The following ZNF345 variants were observed in gnomAD, a reference collection of about 807,000 sequenced individuals.
The protein encoded by ZNF345 is zinc finger protein 345, also known as zinc finger protein HZF10.
For missense variants in ZNF345, 527 were observed against 589.9 expected, an observed-to-expected ratio of 0.89 and a Z score of 1.10; for synonymous variants, 166 against 187.9, an observed-to-expected ratio of 0.88 and a Z score of 0.95.
rs1291357650 is a variant in ZNF345, at chr19:36,877,877, G to A, written c.1047G>A (p.Lys349=). 6.2e-7 allele frequency: 1 copy of A among 1,613,878 alleles called. No homozygotes were observed. Among genetic ancestry groups the A allele is most frequent in the South Asian group, 1.1e-5 (1 of 91,072 alleles). The change falls in exon 3 of 3, where the codon AAG becomes AAA. Residue 349 remains lysine, a synonymous_variant. Coordinates refer to ENST00000420450, the MANE Select transcript of ZNF345 (RefSeq NM_001242472.2). ...EKPYECKECG[K]TFSSGSDLTQ... ...CTTATGAATGTAAGGAATGTGGGAA[G>A]ACCTTTAGTAGTGGTTCAGACCTTA...
At chr19:36,887,830 G>A (rs1352232455) in intron 3 of ZNF345, among the ~76,000 whole-genome samples, 1 of 152,128 alleles carries the variant, frequency 6.6e-6, no homozygotes, top group African/African-American at 2.4e-5. Context: ...CAGTAACAGT[G>A]ATCCTAAAGT....
At chr19:36,890,420 T>C (rs1414685924) in intron 3 of ZNF345, 1 of 152,226 alleles carries the variant, frequency 6.6e-6, no homozygotes, top group Non-Finnish European at 1.5e-5. Context: ...TCTAGTAGTA[T>C]CTGTGTTATG....
rs747543958 is a variant in ZNF345 at position 36,877,530 on chromosome 19, G to C, written c.700G>C (p.Ala234Pro). The change falls in exon 3 of 3, where the codon GCA (alanine) becomes CCA (proline). Residue 234 changes from alanine (A) to proline (P), a missense_variant. Transcript: ENST00000420450. ...HTGEKPYECKACGMAFSSGSA... is the reference protein window; with the variant it reads ...HTGEKPYECKPCGMAFSSGSA... ...TGGTGAGAAACCTTATGAATGCAAA[G>C]CATGTGGAATGGCCTTTAGCAGTGG... is the stretch of plus-strand genomic sequence containing the variant. The C allele has an allele frequency of 6.2e-5, 100 of 1,614,044 alleles. 1 individual carries two copies. The highest frequency in any genetic ancestry group is 3.2e-4 in the Admixed American group (19 of 60,002).
chr19:36,890,637 T>C (rs569141971), intron 3 of ZNF345: 1 of 148,708 alleles, frequency 6.7e-6, no homozygotes, highest in East Asian at 2.0e-4. Context: ...AGTCAGGAGT[T>C]CAAGACCAGC....
At chr19:36,855,110 C>G (rs2072380453) in intron 2 of ZNF345, among the ~76,000 whole-genome samples, 1 of 151,530 alleles carries the variant, frequency 6.6e-6, no homozygotes, top group African/African-American at 2.4e-5. Flanking sequence ...CTCAGCCTCC[C>G]AAAGTGCTGG....
chr19:36,866,060 A>C (rs1240717019), intron 2 of ZNF345, among the ~76,000 whole-genome samples: 1 of 152,132 alleles, frequency 6.6e-6, no homozygotes, highest in Non-Finnish European at 1.5e-5. Flanking sequence ...TCAGTTTGCT[A>C]GAGTTTTATT....
chr19:36,883,364 T>C (rs477725), downstream of ZNF345, among the ~76,000 whole-genome samples: 36,359 of 152,118 alleles, frequency 0.24, 6,096 homozygotes, highest in African/African-American at 0.47. Flanking sequence ...AAGATTGAAG[T>C]TTTCTAAGAC....
At chr19:36,866,791 T>C (rs907996173) in intron 2 of ZNF345, among the ~76,000 whole-genome samples, 2 of 152,194 alleles carry the variant, frequency 1.3e-5, no homozygotes, top group African/African-American at 4.8e-5. Flanking sequence ...CCTCAAGCGA[T>C]CCACTTGCCT....
At chr19:36,873,354 T>C (rs2072808278) in intron 2 of ZNF345, among the ~76,000 whole-genome samples, 1 of 152,156 alleles carries the variant, frequency 6.6e-6, no homozygotes, top group Non-Finnish European at 1.5e-5. Flanking sequence ...TATTTGCCTA[T>C]TTTTTGTTTC....
At chr19:36,873,656 C>T (rs1011113975) in intron 2 of ZNF345, among the ~76,000 whole-genome samples, 1 of 151,640 alleles carries the variant, frequency 6.6e-6, no homozygotes, top group Non-Finnish European at 1.5e-5. Context: ...CTGACAGTCC[C>T]TGGTAACTAC....
chr19:36,870,819 T>TA (rs2072756674), intron 2 of ZNF345, among the ~76,000 whole-genome samples: 1 of 152,162 alleles, frequency 6.6e-6, no homozygotes, highest in African/African-American at 2.4e-5. Context: ...ATCTTTTTTT[T>TA]ATACTACATA....
At chr19:36,871,715 T>C (rs1393690020) in intron 2 of ZNF345, among the ~76,000 whole-genome samples, 2 of 152,118 alleles carry the variant, frequency 1.3e-5, no homozygotes, top group Non-Finnish European at 2.9e-5. Flanking sequence ...TGGATCTCTT[T>C]AGTCTCTTTT....
chr19:36,873,676 T>C (rs1244127920), intron 2 of ZNF345, among the ~76,000 whole-genome samples: 1 of 148,328 alleles, frequency 6.7e-6, no homozygotes, highest in Non-Finnish European at 1.5e-5. Context: ...CCATTCTGTA[T>C]GCTATTTCTG....
chr19:36,891,839 G>C lies in ZNF345; in HGVS notation c.47-979G>C, dbSNP rs542821566. On this transcript the variant is annotated intron_variant, in intron 3 of 3. Coordinates refer to the ZNF345 transcript ENST00000526123. ...CATTCATAAGGTTTCTCACCAGTAT[G>C]CATTCTCTGATGCTGAATAAGCCTT... is the stretch of plus-strand genomic sequence containing the variant. 86 of 1,614,108 alleles carry C rather than the reference G, an allele frequency of 5.3e-5. 1 individual carries two copies. In the South Asian group the frequency reaches 9.4e-4, roughly 18 times the overall value.
At chr19:36,871,689 A>G (rs1807984554) in intron 2 of ZNF345, among the ~76,000 whole-genome samples, 1 of 151,968 alleles carries the variant, frequency 6.6e-6, no homozygotes, top group South Asian at 2.1e-4. Context: ...CAAGATTTAT[A>G]TATTGATTTG....
At position 36,879,378 on chromosome 19, in the gene ZNF345, A is replaced by G. The variant is rs2072952853; in HGVS notation, c.*1081A>G. On this transcript the variant is annotated 3_prime_UTR_variant, in exon 3 of 3. Coordinates refer to ENST00000420450, the MANE Select transcript of ZNF345 (RefSeq NM_001242472.2). Reference sequence around the variant, plus strand: ...TACCAATCATAGATAATCACTGTCAAACTTTTGGAGCAAATCCTTTAATAC... The same window carrying G: ...TACCAATCATAGATAATCACTGTCAGACTTTTGGAGCAAATCCTTTAATAC... 6.0e-6 allele frequency: 1 copy of G among 167,092 alleles called. No homozygotes were observed. Among genetic ancestry groups the G allele is most frequent in the Non-Finnish European group, 1.5e-5 (1 of 68,124 alleles). 10.4% of individuals were successfully genotyped at this position (167,092 alleles called of 1,614,324 possible). A position where few individuals can be genotyped will look rare whatever the true frequency, so the allele number is the denominator to read the frequency against.
chr19:36,854,670 T>C (rs999248705), intron 2 of ZNF345: 1 of 152,128 alleles, frequency 6.6e-6, no homozygotes, highest in Non-Finnish European at 1.5e-5. Context: ...ATTTTTAACA[T>C]TTTCTTTTAT....
At position 36,877,705 on chromosome 19, in the gene ZNF345, G is replaced by A; in HGVS notation, c.875G>A (p.Gly292Glu). 1 of 1,614,120 alleles carries A rather than the reference G, an allele frequency of 6.2e-7. No individual in the cohort carries two copies. The highest frequency in any genetic ancestry group is 8.5e-7 in the Non-Finnish European group (1 of 1,180,016). The change falls in exon 3 of 3, where the codon GGG (glycine) becomes GAG (glutamate). Residue 292 changes from glycine to glutamate, a missense_variant. By Grantham distance (98) the Gly-to-Glu change is moderately conservative (BLOSUM62 -2). Coordinates refer to ENST00000420450, the MANE Select transcript of ZNF345 (RefSeq NM_001242472.2). The stretch of plus-strand genomic sequence containing the variant: ...AAACCTTATGTATGTAAGGAATGTG[G>A]GAAGGCTTTTAATAGTGGCTCAGAT... ...GEKPYVCKEC[G>E]KAFNSGSDLT...
chr19:36,887,598 G>A (rs564402695), intron 3 of ZNF345, among the ~76,000 whole-genome samples: 2 of 152,138 alleles, frequency 1.3e-5, no homozygotes, highest in African/African-American at 2.4e-5. Context: ...CCACAGAGCC[G>A]GATTTATCAT....
Sources: allele counts gnomAD v4.1 joint callset (sites outside exome capture counted in the v4.1 genomes callset), GRCh38; gene constraint gnomAD v4.1.1; transcripts MANE v1.5; gene names NCBI Gene and HGNC (gene_info 2026-07-23, HGNC 2026-07-21).